The following NCAM1 variants were observed in gnomAD, a reference collection of about 807,000 sequenced individuals.
NCAM1 encodes the protein antigen recognized by monoclonal antibody 5.1H11.
A neutral mutation model predicts 109.8 loss-of-function variants in NCAM1; 14 were observed. That is an observed-to-expected ratio of 0.13 (90% confidence interval 0.08 to 0.20). The LOEUF is 0.20. Among genes scored for constraint, NCAM1 ranks in the 10% least tolerant of loss-of-function variants. The probability of loss-of-function intolerance (pLI) is 1.00; values close to 1 mark genes in which losing one functional copy is unlikely to be tolerated. For missense variants in NCAM1, 774 were observed against 1,109.9 expected (o/e 0.70, Z 4.30); for synonymous variants, 418 against 442.9 (o/e 0.94, Z 0.70).
chr11:113,006,105 G>A (rs555625402), intron 1 of NCAM1, among the ~76,000 whole-genome samples: 2 of 152,150 alleles, frequency 1.3e-5, no homozygotes, highest in South Asian at 4.1e-4. Flanking sequence ...AATTCTGGCA[G>A]TTTCTCTTTT....
intron 17 of NCAM1, among the ~76,000 whole-genome samples, chr11:113,266,048 G>A (rs1946128853): frequency 6.6e-6 from 1 of 152,208 alleles, no homozygotes; most frequent in East Asian, 1.9e-4. Flanking sequence ...TTCCCCAGAA[G>A]CCTTCTTTGC....
chr11:113,051,243 T>C (rs1306850127), intron 1 of NCAM1, among the ~76,000 whole-genome samples: 1 of 152,252 alleles, frequency 6.6e-6, no homozygotes, highest in Non-Finnish European at 1.5e-5. Context: ...TTGATAAGTT[T>C]GTAATGCACT....
intron 1 of NCAM1, among the ~76,000 whole-genome samples, chr11:113,006,686 T>C (rs9919557): frequency 0.45 from 68,013 of 151,334 alleles, 16,075 homozygotes; most frequent in East Asian, 0.8. Flanking sequence ...ATAGTCAAAA[T>C]TGAAACACAC....
intron 1 of NCAM1, among the ~76,000 whole-genome samples, chr11:113,020,501 C>T (rs1952350340): frequency 6.6e-6 from 1 of 152,036 alleles, no homozygotes; most frequent in African/African-American, 2.4e-5. Context: ...TGAACTGTCC[C>T]TTATATATTT....
At chr11:113,264,006 G>A in intron 17 of NCAM1, 1 of 985,446 alleles carries the variant, frequency 1.0e-6, no homozygotes. Flanking sequence ...GCTCCTCCCT[G>A]CTGCTTGGGA....
intron 7 of NCAM1, among the ~76,000 whole-genome samples, chr11:113,213,162 G>T (rs997855481): frequency 6.6e-6 from 1 of 152,188 alleles, no homozygotes; most frequent in Non-Finnish European, 1.5e-5. Flanking sequence ...CCTACTTAGG[G>T]TTACTGTATG....
chr11:113,181,532 G>A (rs1943330705), intron 1 of NCAM1, among the ~76,000 whole-genome samples: 1 of 152,162 alleles, frequency 6.6e-6, no homozygotes, highest in Non-Finnish European at 1.5e-5. Flanking sequence ...GGAGGACTGG[G>A]GGACGGAGAG....
chr11:113,062,682 A>T (rs1340022170), intron 1 of NCAM1, among the ~76,000 whole-genome samples: 1 of 152,140 alleles, frequency 6.6e-6, no homozygotes, highest in Non-Finnish European at 1.5e-5. Flanking sequence ...TAAAAAATTT[A>T]AAGTTTAGGC....
chr11:113,054,296 A>C (rs1287017589), intron 1 of NCAM1, among the ~76,000 whole-genome samples: 1 of 152,182 alleles, frequency 6.6e-6, no homozygotes. Flanking sequence ...TCTTTTTAAA[A>C]TTCCTGTACT....
intron 1 of NCAM1, among the ~76,000 whole-genome samples, chr11:113,051,718 G>A (rs1376422074): frequency 6.6e-6 from 1 of 152,086 alleles, no homozygotes; most frequent in Non-Finnish European, 1.5e-5. Flanking sequence ...AATGCCTGAA[G>A]ATACCTATAA....
intron 1 of NCAM1, among the ~76,000 whole-genome samples, chr11:113,187,929 G>T (rs1460038399): frequency 6.6e-6 from 1 of 152,214 alleles, no homozygotes; most frequent in African/African-American, 2.4e-5. Context: ...AAATAGTGTT[G>T]CTGACAGCTA....
intron 1 of NCAM1, among the ~76,000 whole-genome samples, chr11:113,118,231 T>C (rs1210531967): frequency 6.6e-6 from 1 of 151,940 alleles, no homozygotes; most frequent in Non-Finnish European, 1.5e-5. Flanking sequence ...TCTTTTGTGC[T>C]CTCAGAGGAC....
intron 1 of NCAM1, among the ~76,000 whole-genome samples, chr11:113,019,398 TC>T (rs1181576719): frequency 1.3e-5 from 2 of 152,346 alleles, no homozygotes; most frequent in Admixed American, 6.5e-5. Flanking sequence ...TTGCCTGATT[TC>T]AATAGCTGAT....
chr11:113,109,347 C>CAA (rs369724829), intron 1 of NCAM1, among the ~76,000 whole-genome samples: 9,489 of 88,474 alleles, frequency 0.11, 504 homozygotes, highest in East Asian at 0.14. Flanking sequence ...GACTCTGTCT[C>CAA]AAAAAAAAGA....
Position 113,260,316 on chromosome 11 carries a change from C to T in NCAM1, c.2124C>T (p.Ala708=). The change falls in exon 17 of 20, where the codon GCC becomes GCT. Residue 708 remains alanine, a synonymous_variant. Coordinates refer to ENST00000316851, the MANE Select transcript of NCAM1 (RefSeq NM_181351.5). ...TCAGGACCTCGGCCCAGCCCACAGCCATCCCAGGTATGGCTGCCTCTGCTT... is the reference window on the plus strand; with the variant it reads ...TCAGGACCTCGGCCCAGCCCACAGCTATCCCAGGTATGGCTGCCTCTGCTT... The part of the protein sequence containing the change: ...FVFRTSAQPT[A]IPANGSPTSG... 6.2e-7 allele frequency: 1 copy of T among 1,611,494 alleles called. No individual in the cohort carries two copies. The highest frequency in any genetic ancestry group is 8.5e-7 in the Non-Finnish European group (1 of 1,179,218).
At chr11:113,055,107 A>G (rs1247311549) in intron 1 of NCAM1, among the ~76,000 whole-genome samples, 2 of 152,182 alleles carry the variant, frequency 1.3e-5, no homozygotes, top group African/African-American at 4.8e-5. Flanking sequence ...GTTTTACTAT[A>G]CTTCCTTGAC....
chr11:112,965,084 TAA>T (rs1555064977), intron 1 of NCAM1, among the ~76,000 whole-genome samples: 5 of 150,092 alleles, frequency 3.3e-5, no homozygotes, highest in African/African-American at 9.8e-5. Flanking sequence ...ATTTTTTTTT[TAA>T]AAATGGAATA....
chr11:113,003,923 C>T (rs7127930), intron 1 of NCAM1: 1 of 151,976 alleles, frequency 6.6e-6, no homozygotes, highest in Non-Finnish European at 1.5e-5. Context: ...CTAAAAACTC[C>T]TAATTGTATA....
intron 1 of NCAM1, chr11:113,041,326 G>T (rs7105462): frequency 2.0e-5 from 3 of 151,910 alleles, no homozygotes; most frequent in African/African-American, 4.8e-5. Context: ...CATTAGAAGC[G>T]CTGGCAAGAG....
Sources: gnomAD v4.1 joint callset for allele counts (sites outside exome capture counted in the v4.1 genomes callset) on GRCh38, gnomAD v4.1.1 for gene constraint, MANE v1.5 for transcripts, NCBI Gene and HGNC (gene_info 2026-07-23, HGNC 2026-07-21) for gene names.